The following ZNF560 variants were observed in gnomAD, a reference collection of about 807,000 sequenced individuals.
ZNF560 encodes the protein zinc finger protein 560.
ZNF560 carries 54 observed loss-of-function variants against 81.8 expected under a neutral mutation model. That is an observed-to-expected ratio of 0.66 (90% CI 0.53 to 0.83). ZNF560 has a LOEUF of 0.83. Among genes scored for constraint, ZNF560 ranks in the 40% least tolerant of loss-of-function variants. ZNF560 has a pLI of 0.00. For missense variants in ZNF560, 940 were observed against 932.4 expected (o/e 1.01, Z -0.11); for synonymous variants, 321 against 317.9 (o/e 1.01, Z -0.10).
rs775843407 is a variant in ZNF560, at chr19:9,466,882, A to C, written c.2065T>G (p.Cys689Gly). The C allele has an allele frequency of 1.2e-6, 2 of 1,613,988 alleles. No individual in the cohort carries two copies. The highest frequency in any genetic ancestry group is 2.7e-5 in the African/African-American group (2 of 74,932). ...ATGGAATTTCGAAAGGAATTTCCAC[A>C]TGCGTTACATTCAGAGGTCTTCTCT... ...AAEKTSECNA[C>G]GNSFRNSMCF... The change falls in exon 10 of 10, where the codon TGT becomes GGT. Residue 689 changes from cysteine to glycine, a missense_variant. Coordinates refer to ENST00000301480, the MANE Select transcript of ZNF560 (RefSeq NM_152476.3).
chr19:9,465,256 G>A (rs117336096), downstream of ZNF560, among the ~76,000 whole-genome samples: 15,901 of 151,162 alleles, frequency 0.11, 968 homozygotes, highest in South Asian at 0.2. Context: ...TCAGGCTCTT[G>A]AGTAGCTGGG....
intron 2 of ZNF560, among the ~76,000 whole-genome samples, chr19:9,486,403 T>C (rs554634674): frequency 1.4e-4 from 21 of 152,180 alleles, no homozygotes; most frequent in Non-Finnish European, 2.8e-4. Flanking sequence ...CTCTTCAAAG[T>C]TTCCCTTCTT....
intron 2 of ZNF560, among the ~76,000 whole-genome samples, chr19:9,489,997 G>A (rs1335342758): frequency 1.3e-5 from 2 of 152,164 alleles, no homozygotes; most frequent in African/African-American, 4.8e-5. Context: ...GATTCTAATA[G>A]CTAAACTGGT....
the ZNF560 span, among the ~76,000 whole-genome samples, chr19:9,504,618 T>A: frequency 6.6e-6 from 1 of 152,202 alleles, no homozygotes; most frequent in African/African-American, 2.4e-5. Flanking sequence ...ATGTCCTTAC[T>A]GATCTTCTAT....
At chr19:9,491,313 G>T (rs1285562443) in intron 2 of ZNF560, among the ~76,000 whole-genome samples, 1 of 151,958 alleles carries the variant, frequency 6.6e-6, no homozygotes, top group Non-Finnish European at 1.5e-5. Flanking sequence ...GTATAGATGG[G>T]ATCTCACTAT....
chr19:9,464,205 CA>C (rs1433063378), downstream of ZNF560, among the ~76,000 whole-genome samples: 2 of 152,162 alleles, frequency 1.3e-5, no homozygotes, highest in African/African-American at 4.8e-5. Context: ...TGGTGTCAAG[CA>C]CAGCAGAATA....
In ZNF560 at chr19:9,475,310, C is replaced by T; in HGVS notation, c.4G>A (p.Ala2Thr). ...TGATAACAATTTGTCAGGCAGTAAG[C>T]CATCTTCCTTTCTGCCTCTGTCTTT... The part of the protein sequence containing the change: M[A>T]YCLTNCYQYS... Residue 2 changes from alanine (A) to threonine (T), a missense_variant, in exon 3 of 10, where the codon GCT (alanine) becomes ACT (threonine). Coordinates refer to ENST00000301480, the MANE Select transcript of ZNF560 (RefSeq NM_152476.3). The T allele has an allele frequency of 1.2e-6, 2 of 1,613,698 alleles. No individual in the cohort carries two copies. Among genetic ancestry groups the T allele is most frequent in the Non-Finnish European group, 1.7e-6 (2 of 1,179,920 alleles).
chr19:9,479,565 A>T (rs573854655), intron 2 of ZNF560, among the ~76,000 whole-genome samples: 24 of 152,268 alleles, frequency 1.6e-4, no homozygotes, highest in African/African-American at 5.3e-4. Context: ...TAAATATACA[A>T]TTGGCCATCT....
rs1004165880 is a variant in ZNF560 at position 9,467,124 on chromosome 19, G to T, written c.1823C>A (p.Ala608Asp). The T allele has an allele frequency of 1.2e-6, 2 of 1,613,774 alleles. No homozygotes were observed. Among genetic ancestry groups the T allele is most frequent in the African/African-American group, 2.7e-5 (2 of 74,894 alleles). ...KPYECKKCGKAFTERSDLTKH... is the reference protein window; with the variant it reads ...KPYECKKCGKDFTERSDLTKH... Reference sequence around the variant, plus strand: ...AGTAAGATCTGAGCGTTCTGTGAAGGCTTTTCCACATTTCTTACATTCATA... The same window carrying T: ...AGTAAGATCTGAGCGTTCTGTGAAGTCTTTTCCACATTTCTTACATTCATA... Residue 608 changes from alanine (A) to aspartate (D), a missense_variant, in exon 10 of 10, where the codon GCC becomes GAC. Coordinates refer to ENST00000301480, the MANE Select transcript of ZNF560 (RefSeq NM_152476.3).
At chr19:9,478,942 A>T (rs2073243932) in intron 2 of ZNF560, among the ~76,000 whole-genome samples, 1 of 152,158 alleles carries the variant, frequency 6.6e-6, no homozygotes, top group Admixed American at 6.5e-5. Flanking sequence ...AGGCAGGTGG[A>T]TCACTTGAGG....
upstream of ZNF560, among the ~76,000 whole-genome samples, chr19:9,502,028 C>A (rs1255275525): frequency 6.6e-6 from 1 of 151,748 alleles, no homozygotes; most frequent in Non-Finnish European, 1.5e-5. Flanking sequence ...GTGGCATGCA[C>A]CTGTAATCCC....
downstream of ZNF560, among the ~76,000 whole-genome samples, chr19:9,465,159 TCTCG>T (rs1250726453): frequency 7.4e-6 from 1 of 135,602 alleles, no homozygotes; most frequent in African/African-American, 2.9e-5. Context: ...TGAGATGGAG[TCTCG>T]CTCAGTCGCC....
chr19:9,468,964 A>C (rs2073079817), intron 9 of ZNF560, 141 bp downstream of exon 9: 2 of 626,272 alleles, frequency 3.2e-6, no homozygotes, highest in Non-Finnish European at 5.6e-6. Flanking sequence ...TCCTGACCTC[A>C]TGATCCGCCT....
intron 2 of ZNF560, among the ~76,000 whole-genome samples, chr19:9,487,891 T>C (rs983448563): frequency 2.0e-5 from 3 of 152,104 alleles, no homozygotes; most frequent in African/African-American, 7.2e-5. Context: ...AGAATGACAA[T>C]ATGGAACCTG....
chr19:9,471,021 G>A lies in ZNF560; in HGVS notation c.321+275C>T, dbSNP rs7249351. On this transcript the variant is annotated intron_variant, in intron 6 of 9. Coordinates refer to ENST00000301480, the MANE Select transcript of ZNF560 (RefSeq NM_152476.3). Reference sequence around the variant, plus strand: ...TGACTTTCTGGGAAAAATTCAACTAGGGTCTATATTTGCTTTAAGGAAGAA... The same window carrying A: ...TGACTTTCTGGGAAAAATTCAACTAAGGTCTATATTTGCTTTAAGGAAGAA... 4.0e-3 allele frequency among the ~76,000 whole-genome samples: 602 copies of A among 152,152 alleles called. 1 individual carries two copies. Among genetic ancestry groups the A allele is most frequent in the African/African-American group, 0.013 (556 of 41,508 alleles).
At chr19:9,477,969 C>T (rs1162890063) in intron 2 of ZNF560, among the ~76,000 whole-genome samples, 1 of 152,018 alleles carries the variant, frequency 6.6e-6, no homozygotes, top group Non-Finnish European at 1.5e-5. Context: ...AGAAAGAGAA[C>T]ACATACTTAA....
chr19:9,483,477 G>A lies in ZNF560; in HGVS notation c.-56-8108C>T, dbSNP rs1317324578. 6.7e-5 allele frequency among the ~76,000 whole-genome samples: 10 copies of A among 148,708 alleles called. 1 individual carries two copies. The highest frequency in any genetic ancestry group is 2.5e-4 in the African/African-American group (10 of 40,170). On this transcript the variant is annotated intron_variant, in intron 2 of 9. Coordinates refer to ENST00000301480, the MANE Select transcript of ZNF560 (RefSeq NM_152476.3). ...AGCGTCTCCGCCTGGCAGCTGCCCT[G>A]TCCAGGAGGTGGGGGGTCAGCCCCC...
At chr19:9,458,340 T>A in the ZNF560 span, among the ~76,000 whole-genome samples, 6 of 152,258 alleles carry the variant, frequency 3.9e-5, no homozygotes, top group Non-Finnish European at 8.8e-5. Flanking sequence ...TTGAAGGTAC[T>A]GAGAATGTCT....
chr19:9,499,468 A>G (rs1398716398), upstream of ZNF560, among the ~76,000 whole-genome samples: 1 of 152,186 alleles, frequency 6.6e-6, no homozygotes, highest in Non-Finnish European at 1.5e-5. Flanking sequence ...GTGGGATTAC[A>G]GGCGTGAGCC....
Sources: allele counts gnomAD v4.1 joint callset (sites outside exome capture counted in the v4.1 genomes callset), GRCh38; gene constraint gnomAD v4.1.1; transcripts MANE v1.5; gene names NCBI Gene and HGNC (gene_info 2026-07-23, HGNC 2026-07-21).